Variants in ARHGAP24 observed in about 807,000 individuals in gnomAD.
ARHGAP24 encodes rho GTPase-activating protein 24.
Under a neutral mutation model 76.4 loss-of-function variants are expected in ARHGAP24, and 50 were observed. The ratio of observed to expected loss-of-function variants is 0.65; its 90% CI spans 0.52 to 0.83. The LOEUF is 0.83. Among genes scored for constraint, ARHGAP24 ranks in the 40% least tolerant of loss-of-function variants. ARHGAP24 has a pLI of 0.00. For synonymous variants in ARHGAP24, 345 were observed against 323.3 expected, an observed-to-expected ratio of 1.07 and a Z score of -0.72; for missense variants, 930 against 914.2, an observed-to-expected ratio of 1.02 and a Z score of -0.22.
At chr4:85,802,998 C>A (rs1396015989) in intron 3 of ARHGAP24, among the ~76,000 whole-genome samples, 3 of 152,118 alleles carry the variant, frequency 2.0e-5, no homozygotes, top group African/African-American at 7.2e-5. Context: ...TTTAGCACAG[C>A]CTGAGGAAGT....
chr4:85,789,376 C>CT (rs1330152054), intron 3 of ARHGAP24, among the ~76,000 whole-genome samples: 10 of 150,548 alleles, frequency 6.6e-5, no homozygotes, highest in African/African-American at 2.0e-4. Flanking sequence ...TTTTCTTTTT[C>CT]TTTTTTTTTA....
chr4:85,856,723 G>A (rs1188703634), intron 3 of ARHGAP24, among the ~76,000 whole-genome samples: 1 of 151,970 alleles, frequency 6.6e-6, no homozygotes, highest in Non-Finnish European at 1.5e-5. Context: ...ACTCACCTTG[G>A]CCTCCTAAAG....
chr4:85,848,492 G>A (rs1183822408), intron 3 of ARHGAP24, among the ~76,000 whole-genome samples: 7 of 152,120 alleles, frequency 4.6e-5, no homozygotes, highest in South Asian at 2.1e-4. Context: ...CTTTGACCAC[G>A]TCATTACAAA....
At chr4:85,894,539 A>G (rs1041369893) in intron 3 of ARHGAP24, among the ~76,000 whole-genome samples, 1 of 152,188 alleles carries the variant, frequency 6.6e-6, no homozygotes, top group Non-Finnish European at 1.5e-5. Flanking sequence ...CATTTTGTTT[A>G]TTTTCCTTTA....
At chr4:85,977,740 C>T in intron 8 of ARHGAP24, 49 bp downstream of exon 8, 1 of 1,602,066 alleles carries the variant, frequency 6.2e-7, no homozygotes, top group Middle Eastern at 1.7e-4. Flanking sequence ...AAGTAATTAT[C>T]TCTTGACTGG....
At chr4:85,664,863 C>T in intron 2 of ARHGAP24, among the ~76,000 whole-genome samples, 1 of 152,110 alleles carries the variant, frequency 6.6e-6, no homozygotes, top group Non-Finnish European at 1.5e-5. Context: ...TTTGATTGCA[C>T]TGTGGTCTGA....
At chr4:85,952,544 AC>A (rs1475094083) in intron 5 of ARHGAP24, among the ~76,000 whole-genome samples, 1 of 152,242 alleles carries the variant, frequency 6.6e-6, no homozygotes, top group Non-Finnish European at 1.5e-5. Flanking sequence ...TGAGAAAAAA[AC>A]ATTTGAAATT....
chr4:85,518,510 C>T (rs1212391433), intron 1 of ARHGAP24, among the ~76,000 whole-genome samples: 1 of 151,972 alleles, frequency 6.6e-6, no homozygotes, highest in African/African-American at 2.4e-5. Context: ...TTTTATGCCC[C>T]ACCCGCCTCC....
At chr4:85,841,226 G>A (rs1174311656) in intron 3 of ARHGAP24, among the ~76,000 whole-genome samples, 11 of 152,124 alleles carry the variant, frequency 7.2e-5, no homozygotes, top group African/African-American at 1.7e-4. Context: ...GTGAGAAAGC[G>A]TACATTCATT....
intron 1 of ARHGAP24, among the ~76,000 whole-genome samples, chr4:85,549,046 C>G (rs1227870189): frequency 2.0e-5 from 3 of 151,766 alleles, no homozygotes; most frequent in African/African-American, 7.3e-5. Flanking sequence ...CTTTGTTTAT[C>G]TGTTCCCTCT....
intron 3 of ARHGAP24, among the ~76,000 whole-genome samples, chr4:85,732,744 A>G (rs1375211015): frequency 6.9e-6 from 1 of 144,448 alleles, no homozygotes. Context: ...CCCAGGCTGG[A>G]GTGCAATGGT....
chr4:85,638,616 T>C (rs191093423), intron 2 of ARHGAP24, among the ~76,000 whole-genome samples: 1 of 152,256 alleles, frequency 6.6e-6, no homozygotes, highest in East Asian at 1.9e-4. Context: ...CTTTTGTGTG[T>C]GTGGATGTGT....
chr4:85,592,417 T>C (rs1049580393), intron 2 of ARHGAP24, among the ~76,000 whole-genome samples: 2 of 152,240 alleles, frequency 1.3e-5, no homozygotes, highest in Non-Finnish European at 1.5e-5. Flanking sequence ...AATTCTGGTG[T>C]AATAATTACA....
chr4:85,793,134 A>C (rs951566717), intron 3 of ARHGAP24, among the ~76,000 whole-genome samples: 5 of 152,154 alleles, frequency 3.3e-5, no homozygotes, highest in Non-Finnish European at 7.4e-5. Context: ...CACACCATTC[A>C]CTACCCTCTA....
intron 1 of ARHGAP24, among the ~76,000 whole-genome samples, chr4:85,556,570 G>A (rs2128091): frequency 0.82 from 125,241 of 152,188 alleles, 54,012 homozygotes; most frequent in East Asian, 0.98. Context: ...TGTCTCTGGG[G>A]TTTCCTCCTC....
intron 2 of ARHGAP24, among the ~76,000 whole-genome samples, chr4:85,595,406 A>G (rs1719768521): frequency 6.6e-6 from 1 of 152,110 alleles, no homozygotes; most frequent in Non-Finnish European, 1.5e-5. Context: ...GTTATCTGGT[A>G]GGCATGAGGC....
At chr4:85,779,492 A>G (rs1305166800) in intron 3 of ARHGAP24, among the ~76,000 whole-genome samples, 1 of 152,120 alleles carries the variant, frequency 6.6e-6, no homozygotes, top group Non-Finnish European at 1.5e-5. Flanking sequence ...TGGGAAACAC[A>G]GTTATTTTGA....
At chr4:85,610,191 G>A (rs542987823) in intron 2 of ARHGAP24, among the ~76,000 whole-genome samples, 2 of 151,950 alleles carry the variant, frequency 1.3e-5, no homozygotes, top group South Asian at 2.1e-4. Context: ...TATTCCTTAG[G>A]AAGCACCCTT....
chr4:85,523,710 C>T (rs1180415189), intron 1 of ARHGAP24, among the ~76,000 whole-genome samples: 1 of 151,996 alleles, frequency 6.6e-6, no homozygotes, highest in Admixed American at 6.6e-5. Flanking sequence ...GTACATATCA[C>T]CTATAATATG....
Sources: gnomAD v4.1 joint callset for allele counts (sites outside exome capture counted in the v4.1 genomes callset) on GRCh38, gnomAD v4.1.1 for gene constraint, MANE v1.5 for transcripts, NCBI Gene and HGNC (gene_info 2026-07-23, HGNC 2026-07-21) for gene names.